The following TMED10 variants were observed in gnomAD, a reference collection of about 807,000 sequenced individuals.
TMED10 encodes the protein transmembrane emp24 domain-containing protein 10.
Under a neutral mutation model 23.1 loss-of-function variants are expected in TMED10, and 7 were observed. That is an observed-to-expected ratio of 0.30 (90% CI 0.17 to 0.57). The LOEUF (loss-of-function observed/expected upper bound fraction) is 0.57, where lower values mean the gene tolerates loss of function less well. TMED10 is among the 20% of genes least tolerant of loss of function. The pLI is 0.91. For synonymous variants in TMED10, 113 were observed against 106.9 expected (o/e 1.06, Z -0.35); for missense variants, 162 against 274.8 (o/e 0.59, Z 2.90).
In TMED10 at chr14:75,175,559, G is replaced by A. The variant is rs183265001; in HGVS notation, c.225+796C>T. On this transcript the variant is annotated intron_variant, in intron 1 of 4. Coordinates refer to ENST00000303575, the MANE Select transcript of TMED10 (RefSeq NM_006827.6). ...TGAACAATGAGAACACTTGGACACA[G>A]GGTGGGGAACATCACACACCGGGGC... Among the ~76,000 whole-genome samples the A allele has an allele frequency of 8.5e-3, 1,286 of 151,214 alleles. 21 individuals carry two copies. The highest frequency in any genetic ancestry group is 0.029 in the African/African-American group (1,183 of 41,036).
At chr14:75,155,711 T>C (rs80024516) in intron 1 of TMED10, among the ~76,000 whole-genome samples, 12,392 of 152,034 alleles carry the variant, frequency 0.082, 711 homozygotes, top group Non-Finnish European at 0.12. Context: ...GGGTAGCACA[T>C]GAGCTGAGTC....
chr14:75,138,656 G>A (rs935439461), intron 3 of TMED10, among the ~76,000 whole-genome samples: 28 of 152,030 alleles, frequency 1.8e-4, no homozygotes, highest in African/African-American at 6.8e-4. Flanking sequence ...TAAAGGAAAT[G>A]GCATGATACT....
In TMED10 at chr14:75,132,678, A is replaced by G. The variant is rs1895702316; in HGVS notation, c.*2207T>C. On this transcript the variant is annotated 3_prime_UTR_variant, in exon 5 of 5. Coordinates refer to ENST00000303575, the MANE Select transcript of TMED10 (RefSeq NM_006827.6). ...AAAAAAAGTTTGGGTTCATAGTAGCAGGAACATTAACAGAATAGCCTGAGA... is the reference window on the plus strand; with the variant it reads ...AAAAAAAGTTTGGGTTCATAGTAGCGGGAACATTAACAGAATAGCCTGAGA... 6.6e-6 allele frequency: 1 copy of G among 152,224 alleles called. No individual in the cohort carries two copies. Among genetic ancestry groups the G allele is most frequent in the Non-Finnish European group, 1.5e-5 (1 of 68,044 alleles). 9.4% of individuals were successfully genotyped at this position (152,224 alleles called of 1,614,324 possible). A position where few individuals can be genotyped will look rare whatever the true frequency, so the allele number is the denominator to read the frequency against.
chr14:75,149,673 T>C (rs957391364), intron 2 of TMED10, among the ~76,000 whole-genome samples: 12 of 152,188 alleles, frequency 7.9e-5, no homozygotes, highest in African/African-American at 2.4e-4. Flanking sequence ...GGAGAGAAGA[T>C]TGTAGTTGTG....
In TMED10 at chr14:75,154,168, G is replaced by A. The variant is rs1327534024; in HGVS notation, c.226-2025C>T. The stretch of plus-strand genomic sequence containing the variant: ...GCACTTTGGGAGGCCGAGGCAGGTG[G>A]ATCACCTGAGGTCAGGAGTTTGAGA... On this transcript the variant is annotated intron_variant, in intron 1 of 4. Transcript: ENST00000303575. Among the ~76,000 whole-genome samples the A allele has an allele frequency of 8.1e-5, 12 of 148,458 alleles. 1 individual carries two copies. The highest frequency in any genetic ancestry group is 7.4e-4 in the Admixed American group (11 of 14,960).
intron 1 of TMED10, among the ~76,000 whole-genome samples, chr14:75,152,523 T>C (rs967946534): frequency 8.5e-5 from 13 of 152,158 alleles, no homozygotes; most frequent in African/African-American, 2.9e-4. Flanking sequence ...CAAAAGATTA[T>C]ACAAGAGGGA....
intron 1 of TMED10, among the ~76,000 whole-genome samples, chr14:75,156,890 G>T: frequency 7.4e-6 from 1 of 135,298 alleles, no homozygotes; most frequent in East Asian, 2.0e-4. Context: ...TTCCAGCCTG[G>T]TGACAGAGCA....
In TMED10 at chr14:75,167,310, G is replaced by A. The variant is rs188179138; in HGVS notation, c.225+9045C>T. On this transcript the variant is annotated intron_variant, in intron 1 of 4. Transcript: ENST00000303575. ...TACAGATACCAGTAATAAAAAAGCT[G>A]AAATACAGTAATTCCAAACAAAATA... is the stretch of plus-strand genomic sequence containing the variant. 1.1e-4 allele frequency among the ~76,000 whole-genome samples: 17 copies of A among 152,204 alleles called. No individual in the cohort carries two copies. In the East Asian group the frequency reaches 3.1e-3, roughly 28 times the overall value.
chr14:75,138,268 T>C (rs1444767378), intron 3 of TMED10, among the ~76,000 whole-genome samples: 2 of 152,236 alleles, frequency 1.3e-5, no homozygotes, highest in African/African-American at 4.8e-5. Flanking sequence ...AAATTGAGTT[T>C]ATATTTAAGG....
At chr14:75,153,064 G>A (rs944472497) in intron 1 of TMED10, among the ~76,000 whole-genome samples, 1 of 152,206 alleles carries the variant, frequency 6.6e-6, no homozygotes, top group Non-Finnish European at 1.5e-5. Flanking sequence ...GGAGGTTGCA[G>A]TGAGCCAAGA....
chr14:75,171,348 C>T (rs766776003), intron 1 of TMED10, among the ~76,000 whole-genome samples: 23 of 151,418 alleles, frequency 1.5e-4, no homozygotes, highest in Non-Finnish European at 3.1e-4. Context: ...GGCACGATCT[C>T]GGCTCACTAC....
chr14:75,134,816 A>T lies in TMED10; in HGVS notation c.*69T>A. The T allele has an allele frequency of 6.2e-7, 1 of 1,600,506 alleles. No homozygotes were observed. Among genetic ancestry groups the T allele is most frequent in the South Asian group, 1.1e-5 (1 of 90,130 alleles). Reference sequence around the variant, plus strand: ...GATGGTGCTGTTGGTAGGATGCCTTAGGCCAGGCACGTCCCAGCGATGTTC... The same window carrying T: ...GATGGTGCTGTTGGTAGGATGCCTTTGGCCAGGCACGTCCCAGCGATGTTC... On this transcript the variant is annotated 3_prime_UTR_variant, in exon 5 of 5. Transcript: ENST00000303575.
At chr14:75,143,582 C>T (rs953587646) in intron 3 of TMED10, among the ~76,000 whole-genome samples, 2 of 152,176 alleles carry the variant, frequency 1.3e-5, no homozygotes, top group African/African-American at 4.8e-5. Context: ...CCACAGCCCC[C>T]ACCAACTCCA....
intron 1 of TMED10, among the ~76,000 whole-genome samples, chr14:75,165,273 G>A (rs1021696915): frequency 4.6e-5 from 7 of 152,018 alleles, no homozygotes; most frequent in African/African-American, 1.7e-4. Flanking sequence ...TGTTGCCCAG[G>A]CTGGAGTGCA....
intron 1 of TMED10, among the ~76,000 whole-genome samples, chr14:75,165,402 A>G (rs1490679165): frequency 6.6e-6 from 1 of 151,898 alleles, no homozygotes; most frequent in African/African-American, 2.4e-5. Context: ...TAATTTTTGT[A>G]TTTTTAGTAG....
intron 3 of TMED10, among the ~76,000 whole-genome samples, chr14:75,137,708 C>CTT (rs368437388): frequency 2.9e-4 from 38 of 131,206 alleles, no homozygotes; most frequent in Non-Finnish European, 5.1e-4. Flanking sequence ...TTCTTTCTTT[C>CTT]TTTTTTTTTT....
intron 1 of TMED10, among the ~76,000 whole-genome samples, chr14:75,157,303 T>C (rs1282787686): frequency 6.6e-6 from 1 of 152,228 alleles, no homozygotes; most frequent in Non-Finnish European, 1.5e-5. Context: ...GGTCTTGTTA[T>C]TCCTGTTTTA....
chr14:75,166,718 G>T (rs546295268), intron 1 of TMED10, among the ~76,000 whole-genome samples: 2 of 152,054 alleles, frequency 1.3e-5, no homozygotes, highest in Non-Finnish European at 2.9e-5. Context: ...AAAGAAATTC[G>T]ATTTATATTA....
intron 1 of TMED10, among the ~76,000 whole-genome samples, chr14:75,164,230 T>C (rs1896120656): frequency 8.7e-6 from 1 of 115,576 alleles, no homozygotes; most frequent in Non-Finnish European, 1.7e-5. Flanking sequence ...CATGCCCGGC[T>C]TTTTTTTTTT....
Sources: allele counts gnomAD v4.1 joint callset (sites outside exome capture counted in the v4.1 genomes callset), GRCh38; gene constraint gnomAD v4.1.1; transcripts MANE v1.5; gene names NCBI Gene and HGNC (gene_info 2026-07-23, HGNC 2026-07-21).